CEP85L: variants seen among roughly 807,000 people sequenced by gnomAD.
CEP85L encodes centrosomal protein of 85 kDa-like.
In CEP85L, 60 loss-of-function variants were observed where a neutral mutation model predicts 100.3. The ratio of observed to expected loss-of-function variants is 0.60; its 90% CI spans 0.49 to 0.74. CEP85L has a LOEUF of 0.74. Among genes scored for constraint, CEP85L ranks in the 30% least tolerant of loss-of-function variants. The pLI is 0.00. For synonymous variants in CEP85L, 319 were observed against 322.7 expected (o/e 0.99, Z 0.12); for missense variants, 973 against 936.2 (o/e 1.04, Z -0.51).
chr6:118,553,120 T>C (rs2114938183), intron 3 of CEP85L, among the ~76,000 whole-genome samples: 1 of 151,660 alleles, frequency 6.6e-6, no homozygotes. Flanking sequence ...CAGAATGCTC[T>C]AAAAAGATCA....
intron 3 of CEP85L, among the ~76,000 whole-genome samples, chr6:118,534,003 G>A (rs1777442147): frequency 6.6e-6 from 1 of 152,096 alleles, no homozygotes. Context: ...GCTGAGGCAG[G>A]AGAATGGCTT....
chr6:118,469,179 A>G lies in CEP85L; in HGVS notation c.2147T>C (p.Phe716Ser). The G allele has an allele frequency of 6.2e-7, 1 of 1,614,094 alleles. No individual in the cohort carries two copies. Among genetic ancestry groups the G allele is most frequent in the Non-Finnish European group, 8.5e-7 (1 of 1,179,940 alleles). The change falls in exon 12 of 13, where the codon TTC becomes TCC. Residue 716 changes from phenylalanine to serine, a missense_variant. Coordinates refer to ENST00000368491, the MANE Select transcript of CEP85L (RefSeq NM_001042475.3). ...LFDLTVIDQLFKEMSCCLFDL... is the reference protein window; with the variant it reads ...LFDLTVIDQLSKEMSCCLFDL... Reference sequence around the variant, plus strand: ...AAACAAACAACAGGACATTTCCTTGAACAGCTGATCAATCACAGTCAAATC... The same window carrying G: ...AAACAAACAACAGGACATTTCCTTGGACAGCTGATCAATCACAGTCAAATC...
chr6:118,477,341 T>C (rs1773459805), intron 10 of CEP85L, among the ~76,000 whole-genome samples: 2 of 152,160 alleles, frequency 1.3e-5, no homozygotes, highest in Non-Finnish European at 1.5e-5. Flanking sequence ...ACAACAAATA[T>C]AGTATAACTA....
At chr6:118,550,582 G>A (rs1277789120) in intron 3 of CEP85L, among the ~76,000 whole-genome samples, 2 of 151,658 alleles carry the variant, frequency 1.3e-5, no homozygotes, top group African/African-American at 4.8e-5. Context: ...CTACAATTTA[G>A]GAAAGATGCA....
chr6:118,550,849 T>C (rs1465876927), intron 3 of CEP85L, among the ~76,000 whole-genome samples: 2 of 151,960 alleles, frequency 1.3e-5, no homozygotes, highest in Non-Finnish European at 2.9e-5. Context: ...ATTCAATTTA[T>C]GCATAGCATT....
intron 2 of CEP85L, among the ~76,000 whole-genome samples, chr6:118,594,893 A>AC (rs1781386347): frequency 6.7e-6 from 1 of 149,094 alleles, no homozygotes. Context: ...AAAAAAAAAA[A>AC]CCTCAAATTT....
At chr6:118,589,689 A>C in intron 2 of CEP85L, 1 of 279,390 alleles carries the variant, frequency 3.6e-6, no homozygotes, top group Non-Finnish European at 7.1e-6. Flanking sequence ...GAAACTGGTG[A>C]CCTTCTATGA....
chr6:118,626,099 G>T (rs1214994474), intron 2 of CEP85L, among the ~76,000 whole-genome samples: 1 of 152,142 alleles, frequency 6.6e-6, no homozygotes, highest in Non-Finnish European at 1.5e-5. Flanking sequence ...TGTTTAGAGG[G>T]GGGACTGAGA....
intron 3 of CEP85L, among the ~76,000 whole-genome samples, chr6:118,553,216 A>T (rs1778654444): frequency 7.7e-5 from 1 of 13,010 alleles, no homozygotes; most frequent in Non-Finnish European, 2.4e-4. Context: ...TTAAGAAATT[A>T]AAAAAAAAAA....
chr6:118,627,785 A>G (rs1583191482), intron 2 of CEP85L, among the ~76,000 whole-genome samples: 1 of 152,336 alleles, frequency 6.6e-6, no homozygotes, highest in African/African-American at 2.4e-5. Context: ...TATTCTTAAT[A>G]AGGTCTGCCC....
In CEP85L at chr6:118,465,580, A is replaced by G. The variant is rs1772453063; in HGVS notation, c.2255-12T>C. On this transcript the variant is annotated splice_polypyrimidine_tract_variant and intron_variant, in intron 12 of 12. Transcript: ENST00000368491. ...TGAACAGTTCATTGCTGTGTAAATA[A>G]AACATAGAGAGAATATCTCACATTT... is the stretch of plus-strand genomic sequence containing the variant. 1 of 1,599,996 alleles carries G rather than the reference A, an allele frequency of 6.3e-7. No homozygotes were observed. The highest frequency in any genetic ancestry group is 8.5e-7 in the Non-Finnish European group (1 of 1,175,308).
intron 1 of CEP85L, among the ~76,000 whole-genome samples, chr6:118,637,420 G>A (rs571925110): frequency 3.3e-5 from 5 of 152,004 alleles, no homozygotes; most frequent in East Asian, 3.9e-4. Context: ...TGTCTAGGCC[G>A]GGCAAGGTGG....
chr6:118,600,293 TC>T (rs112826385), intron 2 of CEP85L, among the ~76,000 whole-genome samples: 96,028 of 98,852 alleles, frequency 0.97, 46,850 homozygotes, highest in East Asian at 0.99. Flanking sequence ...CCCTGAGCCT[TC>T]CTGGGGGTGT....
At chr6:118,536,973 T>C (rs534825732) in intron 3 of CEP85L, among the ~76,000 whole-genome samples, 5 of 152,284 alleles carry the variant, frequency 3.3e-5, no homozygotes, top group South Asian at 4.1e-4. Context: ...AAGCATACCA[T>C]TGCATGGCAG....
At chr6:118,565,412 G>A in intron 3 of CEP85L, 117 bp downstream of exon 3, 5 of 998,394 alleles carry the variant, frequency 5.0e-6, no homozygotes, top group Non-Finnish European at 7.5e-6. Context: ...CTATTAACTT[G>A]CAGGGAAAAG....
At chr6:118,557,735 C>G (rs963188019) in intron 3 of CEP85L, among the ~76,000 whole-genome samples, 3 of 152,068 alleles carry the variant, frequency 2.0e-5, no homozygotes, top group Admixed American at 2.0e-4. Context: ...AAATTATTAT[C>G]GAATAAAAAT....
At position 118,565,532 on chromosome 6, in the gene CEP85L, C is replaced by A. The variant is rs766038507; in HGVS notation, c.1017G>T (p.Met339Ile). The A allele has an allele frequency of 6.2e-7, 1 of 1,613,966 alleles. No homozygotes were observed. Among genetic ancestry groups the A allele is most frequent in the South Asian group, 1.1e-5 (1 of 91,076 alleles). Residue 339 changes from methionine (M) to isoleucine (I), a missense_variant, in exon 3 of 13, where the codon ATG becomes ATT. Around this residue, in one of 3 missense-constraint regions of CEP85L, gnomAD observed 890 missense variants for 844.5 expected, o/e 1.05. Transcript: ENST00000368491. ...AACACTAGATTTTGCACCTTACCTG[C>A]ATTGGTGTTTCACTTCCTTGTCGAA... ...EDFRQGSETP[M>I]QVLTGSSRQS...
At chr6:118,648,532 G>A (rs1468309485) in intron 1 of CEP85L, among the ~76,000 whole-genome samples, 1 of 152,080 alleles carries the variant, frequency 6.6e-6, no homozygotes, top group Non-Finnish European at 1.5e-5. Context: ...ACGAGGTCAG[G>A]AGATCGAGAC....
intron 2 of CEP85L, chr6:118,589,494 T>A (rs1781056729): frequency 3.9e-6 from 1 of 254,606 alleles, no homozygotes; most frequent in East Asian, 1.1e-4. Flanking sequence ...CTGTGTCCCC[T>A]GGGAAAAGAA....
Sources: gnomAD v4.1 joint callset for allele counts (sites outside exome capture counted in the v4.1 genomes callset) on GRCh38, gnomAD v4.1.1 for gene constraint, gnomAD v4.1.1 regional missense constraint, MANE v1.5 for transcripts, NCBI Gene and HGNC (gene_info 2026-07-23, HGNC 2026-07-21) for gene names.